Variants in DCTN5 observed in about 807,000 individuals in gnomAD.
DCTN5 encodes dynactin subunit 5.
In DCTN5, 14 loss-of-function variants were observed where a neutral mutation model predicts 23.5. That is an observed-to-expected ratio of 0.60 (90% CI 0.39 to 0.93). DCTN5 has a LOEUF of 0.93. DCTN5 is among the 40% of genes least tolerant of loss of function. The pLI, the probability that DCTN5 is intolerant of heterozygous loss-of-function variation, is 0.00. For missense variants in DCTN5, 156 were observed against 225.9 expected, an observed-to-expected ratio of 0.69 and a Z score of 1.98; for synonymous variants, 67 against 79.6, an observed-to-expected ratio of 0.84 and a Z score of 0.84.
intron 2 of DCTN5, among the ~76,000 whole-genome samples, chr16:23,648,157 TGTTA>T (rs1401590134): frequency 1.3e-5 from 2 of 151,958 alleles, no homozygotes; most frequent in East Asian, 3.8e-4. Flanking sequence ...TTAATTTATT[TGTTA>T]GTTAATTTTT....
chr16:23,649,688 A>C (rs1242726430), intron 2 of DCTN5, among the ~76,000 whole-genome samples: 1 of 152,000 alleles, frequency 6.6e-6, no homozygotes, highest in Non-Finnish European at 1.5e-5. Context: ...CTAAAAATAG[A>C]AAAAATTAGC....
In DCTN5 at chr16:23,668,486, T is replaced by G. The variant is rs1300356953; in HGVS notation, c.*1342T>G. 1.3e-5 allele frequency: 2 copies of G among 152,252 alleles called. No homozygotes were observed. The highest frequency in any genetic ancestry group is 4.8e-5 in the African/African-American group (2 of 41,464). 9.4% of individuals were successfully genotyped at this position (152,252 alleles called of 1,614,324 possible). ...TAACAGTGCAGTGATAGTCAGCTGGTCCAGGCCAGGCAAGGGGCTGGTCCA... is the reference window on the plus strand; with the variant it reads ...TAACAGTGCAGTGATAGTCAGCTGGGCCAGGCCAGGCAAGGGGCTGGTCCA... On this transcript the variant is annotated 3_prime_UTR_variant, in exon 6 of 6. Transcript: ENST00000300087.
intron 2 of DCTN5, among the ~76,000 whole-genome samples, chr16:23,646,120 G>A (rs1174688627): frequency 6.6e-6 from 1 of 151,932 alleles, no homozygotes; most frequent in Non-Finnish European, 1.5e-5. Context: ...TTTGGATTAT[G>A]GCCATCCAAG....
At chr16:23,651,240 G>A in intron 2 of DCTN5, 1 of 997,386 alleles carries the variant, frequency 1.0e-6, no homozygotes, top group Non-Finnish European at 1.2e-6. Flanking sequence ...TTGCTTCTGT[G>A]AAGGGCAGCC....
At chr16:23,660,463 G>T (rs1339461110) in intron 3 of DCTN5, among the ~76,000 whole-genome samples, 1 of 152,190 alleles carries the variant, frequency 6.6e-6, no homozygotes, top group Non-Finnish European at 1.5e-5. Flanking sequence ...AACGGGATGG[G>T]AATGATGTCA....
chr16:23,646,018 A>G (rs1487740376), intron 2 of DCTN5, among the ~76,000 whole-genome samples: 1 of 152,206 alleles, frequency 6.6e-6, no homozygotes, highest in African/African-American at 2.4e-5. Flanking sequence ...ATTTTTTTCC[A>G]AAATGGCTGC....
At chr16:23,641,678 C>A (rs1269852557) in intron 1 of DCTN5, 88 bp downstream of exon 1, 61 of 1,372,586 alleles carry the variant, frequency 4.4e-5, no homozygotes, top group African/African-American at 1.4e-5. Context: ...CCCTACCCCA[C>A]CAACCCCTGT....
intron 2 of DCTN5, among the ~76,000 whole-genome samples, chr16:23,644,407 TCTC>T (rs1469289991): frequency 6.6e-6 from 1 of 150,984 alleles, no homozygotes; most frequent in Admixed American, 6.6e-5. Context: ...CTCACGCCAT[TCTC>T]CTGCCTCAGC....
chr16:23,673,902 C>A lies in DCTN5; in HGVS notation c.*6758C>A, dbSNP rs7190445. The A allele has an allele frequency of 0.097, 14,818 of 152,200 alleles. 1,090 individuals are homozygous for A. The highest frequency in any genetic ancestry group is 0.2 in the African/African-American group (8,199 of 41,484). 9.4% of individuals were successfully genotyped at this position (152,200 alleles called of 1,614,324 possible). A position where few individuals can be genotyped will look rare whatever the true frequency, so the allele number is the denominator to read the frequency against. ...GAACCCTTGTCAAAATCAAATGTCT[C>A]CCCTTAGAGGCTGATGATTGTCTAG... On this transcript the variant is annotated 3_prime_UTR_variant, in exon 6 of 6. Coordinates refer to ENST00000300087, the MANE Select transcript of DCTN5 (RefSeq NM_032486.4).
At chr16:23,648,109 G>A (rs1184965079) in intron 2 of DCTN5, among the ~76,000 whole-genome samples, 1 of 151,846 alleles carries the variant, frequency 6.6e-6, no homozygotes, top group Admixed American at 6.6e-5. Flanking sequence ...TTGGTTTCCT[G>A]TGATTTATTT....
At position 23,675,014 on chromosome 16, in the gene DCTN5, C is replaced by T. The variant is rs559353122; in HGVS notation, c.*7870C>T. On this transcript the variant is annotated 3_prime_UTR_variant, in exon 6 of 6. Transcript: ENST00000300087. ...GCCCATCCTAACAATCCCATTTTAA[C>T]TTAGTTACCTCTTCAGGGCCTATCT... 2.3e-4 allele frequency: 35 copies of T among 152,240 alleles called. No homozygotes were observed. Among genetic ancestry groups the T allele is most frequent in the Admixed American group, 2.0e-3 (31 of 15,276 alleles). The allele number at this position is 152,240 out of a possible 1,614,324, so 9.4% of individuals were successfully genotyped here. A position where few individuals can be genotyped will look rare whatever the true frequency, so the allele number is the denominator to read the frequency against.
intron 4 of DCTN5, among the ~76,000 whole-genome samples, chr16:23,661,865 C>T (rs983457482): frequency 6.6e-6 from 1 of 151,918 alleles, no homozygotes; most frequent in African/African-American, 2.4e-5. Flanking sequence ...TACAACCATT[C>T]AGATGTGTTA....
chr16:23,673,806 G>A lies in DCTN5; in HGVS notation c.*6662G>A, dbSNP rs568451777. ...TGTGATTCGTGCTTACTGGAGCCTC[G>A]GGAAAGAGGGAGACAACATGTAAAG... On this transcript the variant is annotated 3_prime_UTR_variant, in exon 6 of 6. Transcript: ENST00000300087. The A allele has an allele frequency of 7.9e-5, 12 of 152,306 alleles. No individual in the cohort carries two copies. In the South Asian group the frequency reaches 1.2e-3, roughly 16 times the overall value. 9.4% of individuals were successfully genotyped at this position (152,306 alleles called of 1,614,324 possible). A position where few individuals can be genotyped will look rare whatever the true frequency, so the allele number is the denominator to read the frequency against.
intron 2 of DCTN5, among the ~76,000 whole-genome samples, chr16:23,654,432 C>G (rs1388771170): frequency 2.0e-5 from 3 of 151,988 alleles, no homozygotes; most frequent in South Asian, 2.1e-4. Flanking sequence ...TAGAGGGGAA[C>G]AACACACACT....
chr16:23,641,684 C>G lies in DCTN5; in HGVS notation c.48+94C>G, dbSNP rs1298869054. On this transcript the variant is annotated intron_variant, in intron 1 of 5. Coordinates refer to ENST00000300087, the MANE Select transcript of DCTN5 (RefSeq NM_032486.4). The stretch of plus-strand genomic sequence containing the variant: ...CCAACCTGCCCCTACCCCACCAACC[C>G]CTGTCCCTTTGGCCATTAGTCCCGG... The G allele has an allele frequency of 3.7e-6, 5 of 1,339,574 alleles. No homozygotes were observed. In the Admixed American group the frequency reaches 9.1e-5, roughly 24 times the overall value. The allele number at this position is 1,339,574 out of a possible 1,614,324, so 83.0% of individuals were successfully genotyped here.
rs1567233059 is a variant in DCTN5 at position 23,661,755 on chromosome 16, A to AAATAAAT, written c.348+475_348+476insATAAATA. On this transcript the variant is annotated intron_variant, in intron 4 of 5. Transcript: ENST00000300087. ...ATAAATAAATAAATAAATAAATAAA[A>AAATAAAT]AGATTTGGAATATTTTCTAGACATT... Among the ~76,000 whole-genome samples, 179 of 143,086 alleles carry AAATAAAT rather than the reference A, an allele frequency of 1.3e-3. 2 individuals carry two copies. Among genetic ancestry groups the AAATAAAT allele is most frequent in the African/African-American group, 4.5e-3 (165 of 36,778 alleles). 93.9% of individuals were successfully genotyped at this position (143,086 alleles called of 152,430 possible). A position where few individuals can be genotyped will look rare whatever the true frequency, so the allele number is the denominator to read the frequency against.
chr16:23,665,481 CA>C, intron 4 of DCTN5, 144 bp from the exon 5 acceptor site: 1 of 681,442 alleles, frequency 1.5e-6, no homozygotes, highest in Non-Finnish European at 2.4e-6. Context: ...TCCTTCTCGT[CA>C]GGTACCACCT....
intron 2 of DCTN5, among the ~76,000 whole-genome samples, chr16:23,652,483 A>G (rs1006506212): frequency 6.6e-6 from 1 of 152,264 alleles, no homozygotes; most frequent in Non-Finnish European, 1.5e-5. Flanking sequence ...TTATTATGGA[A>G]CTAAAACCAA....
chr16:23,641,660 C>A, intron 1 of DCTN5, 70 bp downstream of exon 1: 1 of 1,526,888 alleles, frequency 6.5e-7, no homozygotes, highest in Non-Finnish European at 9.0e-7. Flanking sequence ...TCGGCGTTCC[C>A]AACCTGCCCC....
Sources: gnomAD v4.1 joint callset for allele counts (sites outside exome capture counted in the v4.1 genomes callset) on GRCh38, gnomAD v4.1.1 for gene constraint, MANE v1.5 for transcripts, NCBI Gene and HGNC (gene_info 2026-07-23, HGNC 2026-07-21) for gene names.